SSU72L2: variants seen among roughly 807,000 people sequenced by gnomAD.
SSU72L2 encodes RNA polymerase II subunit A C-terminal domain phosphatase SSU72 like protein 2.
chr11:4,241,701 T>C, the SSU72L2 span, among the ~76,000 whole-genome samples: 1 of 146,918 alleles, frequency 6.8e-6, no homozygotes, highest in African/African-American at 2.5e-5. Context: ...ATCTGCTGAA[T>C]ACCCTTAAAC....
chr11:4,242,055 T>A, the SSU72L2 span: 1 of 609,374 alleles, frequency 1.6e-6, no homozygotes, highest in South Asian at 2.0e-5. Context: ...AGCCCAGATG[T>A]TCAGTAGAAG....
At chr11:4,241,709 A>T in the SSU72L2 span, among the ~76,000 whole-genome samples, 1 of 146,810 alleles carries the variant, frequency 6.8e-6, no homozygotes, top group South Asian at 2.3e-4. Context: ...AATACCCTTA[A>T]ACAAATCATT....
chr11:4,242,036 G>T, the SSU72L2 span: 1 of 610,860 alleles, frequency 1.6e-6, no homozygotes, highest in Non-Finnish European at 2.9e-6. Context: ...TGAGGAAGGG[G>T]ACAAAGCCAG....
chr11:4,241,719 T>A, the SSU72L2 span, among the ~76,000 whole-genome samples: 1 of 147,022 alleles, frequency 6.8e-6, no homozygotes, highest in Non-Finnish European at 1.5e-5. Flanking sequence ...AACAAATCAT[T>A]TTTCAAGCAG....
At chr11:4,241,948 A>G in the SSU72L2 span, 20 of 578,520 alleles carry the variant, frequency 3.5e-5, no homozygotes, top group South Asian at 4.5e-4. Context: ...AAAGTAACAC[A>G]AACAGTACTC....
the SSU72L2 span, chr11:4,242,545 A>ACC: frequency 1.3e-6 from 1 of 757,822 alleles, no homozygotes; most frequent in Non-Finnish European, 2.4e-6. Context: ...AAGACCGGAC[A>ACC]CTTAGCCCTT....
At chr11:4,241,962 G>A in the SSU72L2 span, 3 of 593,930 alleles carry the variant, frequency 5.1e-6, no homozygotes, top group South Asian at 2.1e-5. Context: ...AGTACTCAGT[G>A]GAAGGTCTTT....
chr11:4,242,000 C>G, the SSU72L2 span: 1 of 609,608 alleles, frequency 1.6e-6, no homozygotes, highest in Non-Finnish European at 2.9e-6. Context: ...TAAATCCGGA[C>G]TAAAGTCCCA....
the SSU72L2 span, chr11:4,242,325 C>G: frequency 1.3e-6 from 1 of 741,502 alleles, no homozygotes; most frequent in African/African-American, 1.7e-5. Context: ...AAGATGACAT[C>G]AAAGAAATCA....
At chr11:4,242,660 C>T in the SSU72L2 span, 59 of 578,040 alleles carry the variant, frequency 1.0e-4, no homozygotes, top group South Asian at 1.4e-3. Flanking sequence ...CACTGGGAAC[C>T]AGAGAGACAC....
chr11:4,242,491 A>G, the SSU72L2 span: 13 of 775,792 alleles, frequency 1.7e-5, no homozygotes, highest in Non-Finnish European at 2.6e-5. Context: ...CTACAGGACG[A>G]TTGGGTCTTG....
At chr11:4,242,582 A>C in the SSU72L2 span, 367 of 731,112 alleles carry the variant, frequency 5.0e-4, 2 homozygotes, top group Non-Finnish European at 7.9e-4. Context: ...GTGGGCCTCC[A>C]TGCTCCTGTT....
the SSU72L2 span, among the ~76,000 whole-genome samples, chr11:4,241,743 C>T: frequency 8.1e-5 from 12 of 148,764 alleles, no homozygotes; most frequent in Admixed American, 2.0e-4. Flanking sequence ...ATTATCAGCT[C>T]GGTTTGCTCA....
chr11:4,241,737 T>A, the SSU72L2 span, among the ~76,000 whole-genome samples: 2 of 148,798 alleles, frequency 1.3e-5, no homozygotes, highest in Admixed American at 1.3e-4. Context: ...CAGTCCATTA[T>A]CAGCTCGGTT....
At chr11:4,241,980 C>T in the SSU72L2 span, 4 of 600,580 alleles carry the variant, frequency 6.7e-6, no homozygotes, top group South Asian at 4.1e-5. Context: ...TTTGTAGATG[C>T]TTCTCACAAT....
chr11:4,242,587 C>T, the SSU72L2 span: 328 of 722,050 alleles, frequency 4.5e-4, 8 homozygotes, highest in African/African-American at 5.4e-3. Context: ...CCTCCATGCT[C>T]CTGTTGACAT....
At chr11:4,241,703 C>T in the SSU72L2 span, among the ~76,000 whole-genome samples, 1 of 146,702 alleles carries the variant, frequency 6.8e-6, no homozygotes, top group Non-Finnish European at 1.5e-5. Flanking sequence ...CTGCTGAATA[C>T]CCTTAAACAA....
At chr11:4,241,912 T>C in the SSU72L2 span, 1 of 519,360 alleles carries the variant, frequency 1.9e-6, no homozygotes, top group East Asian at 3.1e-5. Context: ...TTCTTGGTAA[T>C]AGTCTCTTTC....
At chr11:4,242,026 T>G in the SSU72L2 span, 1 of 612,280 alleles carries the variant, frequency 1.6e-6, no homozygotes. Context: ...AAGTTCTTAC[T>G]GAGGAAGGGG....
Sources: gnomAD v4.1 joint callset for allele counts (sites outside exome capture counted in the v4.1 genomes callset) on GRCh38, gnomAD v4.1.1 for gene constraint, MANE v1.5 for transcripts, NCBI Gene and HGNC (gene_info 2026-07-23, HGNC 2026-07-21) for gene names.